Variants in BTBD10 observed in about 807,000 individuals in gnomAD.
BTBD10 encodes the protein BTB domain containing 10, also known as BTB/POZ domain-containing protein 10.
BTBD10 carries 21 observed loss-of-function variants against 53.2 expected under a neutral mutation model. The observed-to-expected ratio is 0.39, with a 90% confidence interval of 0.28 to 0.57. The LOEUF is 0.57. BTBD10 is among the 20% of genes least tolerant of loss of function. BTBD10 has a pLI of 0.53. For synonymous variants in BTBD10, 149 were observed against 192.7 expected (o/e 0.77, Z 1.88); for missense variants, 360 against 594.7 (o/e 0.61, Z 4.10).
At chr11:13,390,334 G>T (rs1251785319) in intron 8 of BTBD10, among the ~76,000 whole-genome samples, 1 of 151,872 alleles carries the variant, frequency 6.6e-6, no homozygotes, top group Non-Finnish European at 1.5e-5. Flanking sequence ...GTAAATGAAT[G>T]AGCACGTGTA....
chr11:13,439,816 C>A, intron 2 of BTBD10: 1 of 1,300,504 alleles, frequency 7.7e-7, no homozygotes, highest in Admixed American at 2.6e-5. Context: ...CCCTCTCAAT[C>A]TTTCTTTCAA....
At position 13,419,718 on chromosome 11, in the gene BTBD10, C is replaced by A. The variant is rs770677253; in HGVS notation, c.326G>T (p.Arg109Leu). The change falls in exon 4 of 9, where the codon CGT becomes CTT. Residue 109 changes from arginine (R) to leucine (L), a missense_variant. Coordinates refer to ENST00000278174, the MANE Select transcript of BTBD10 (RefSeq NM_032320.7). ...TTTTTGAGGACGCGGACTGCTTGGA[C>A]GAGAGGAACTGTGATCTTTTTCTCG... is the stretch of plus-strand genomic sequence containing the variant. Reference protein sequence around the residue: ...VEREKDHSSSRPSSPRPQKAS... With the variant: ...VEREKDHSSSLPSSPRPQKAS... 1.2e-6 allele frequency: 2 copies of A among 1,602,366 alleles called. No individual in the cohort carries two copies. The highest frequency in any genetic ancestry group is 1.7e-6 in the Non-Finnish European group (2 of 1,174,498).
At chr11:13,440,682 A>G (rs542166553) in intron 2 of BTBD10, among the ~76,000 whole-genome samples, 6 of 152,172 alleles carry the variant, frequency 3.9e-5, no homozygotes, top group Non-Finnish European at 7.3e-5. Context: ...AGGAGAAACG[A>G]GCATGCGTAC....
At chr11:13,453,309 A>G (rs1330555956) in intron 1 of BTBD10, among the ~76,000 whole-genome samples, 1 of 152,204 alleles carries the variant, frequency 6.6e-6, no homozygotes, top group Non-Finnish European at 1.5e-5. Flanking sequence ...TTTAAAAATT[A>G]AATACACATA....
Position 13,417,203 on chromosome 11 carries a change from A to G in BTBD10, c.642T>C (p.Tyr214=). The G allele has an allele frequency of 6.2e-7, 1 of 1,613,610 alleles. No individual in the cohort carries two copies. Among genetic ancestry groups the G allele is most frequent in the South Asian group, 1.1e-5 (1 of 91,056 alleles). ...TGGAACCAATTCCCTCTGCCACCTC[A>G]TACTCTCCTTTCTCATTGGGTCGTG... ...NFTRPNEKGE[Y]EVAEGIGSTV... The change falls in exon 5 of 9, where the codon TAT becomes TAC. Residue 214 remains tyrosine, a synonymous_variant. Transcript: ENST00000278174.
intron 8 of BTBD10, among the ~76,000 whole-genome samples, chr11:13,398,018 G>A (rs2135748780): frequency 6.6e-6 from 1 of 152,348 alleles, no homozygotes; most frequent in East Asian, 1.9e-4. Context: ...TGTATATTCT[G>A]TTGATTTGGG....
At chr11:13,458,370 AT>A (rs1951017724) in intron 1 of BTBD10, among the ~76,000 whole-genome samples, 1 of 152,228 alleles carries the variant, frequency 6.6e-6, no homozygotes, top group Non-Finnish European at 1.5e-5. Context: ...CGAAATGGAA[AT>A]TTAAAAAGGA....
chr11:13,398,389 T>G, intron 8 of BTBD10, among the ~76,000 whole-genome samples: 1 of 152,172 alleles, frequency 6.6e-6, no homozygotes, highest in Non-Finnish European at 1.5e-5. Flanking sequence ...GTTTTCCATT[T>G]GCTTGGTAGA....
chr11:13,457,170 T>A (rs1591178055), intron 1 of BTBD10, among the ~76,000 whole-genome samples: 2 of 151,436 alleles, frequency 1.3e-5, no homozygotes, highest in African/African-American at 2.4e-5. Flanking sequence ...TCAAAAAAAA[T>A]TAAATAAATA....
chr11:13,392,463 A>G (rs1949434168), intron 8 of BTBD10, among the ~76,000 whole-genome samples: 1 of 152,192 alleles, frequency 6.6e-6, no homozygotes, highest in Admixed American at 6.6e-5. Flanking sequence ...TGGAGGTAAC[A>G]TTAGAAGACA....
At chr11:13,435,308 T>G (rs1950526854) in intron 2 of BTBD10, among the ~76,000 whole-genome samples, 1 of 152,208 alleles carries the variant, frequency 6.6e-6, no homozygotes, top group Admixed American at 6.5e-5. Context: ...ACTGTGCCAG[T>G]TACTGTTCTT....
chr11:13,413,615 A>G lies in BTBD10; in HGVS notation c.723T>C (p.Asp241=), dbSNP rs2135800508. Residue 241 remains aspartate, a synonymous_variant, in exon 6 of 9, where the codon GAT becomes GAC. Coordinates refer to ENST00000278174, the MANE Select transcript of BTBD10 (RefSeq NM_032320.7). ...YYKTGIIRCP[D]GISIPELREA... ...CTCTCAGTTCAGGAATAGATATGCC[A>G]TCAGGACAACGGATTATTCCTGTTT... 6.2e-7 allele frequency: 1 copy of G among 1,612,072 alleles called. No individual in the cohort carries two copies. Among genetic ancestry groups the G allele is most frequent in the East Asian group, 2.2e-5 (1 of 44,724 alleles).
intron 1 of BTBD10, among the ~76,000 whole-genome samples, chr11:13,446,978 G>A (rs1009336433): frequency 6.6e-6 from 1 of 152,010 alleles, no homozygotes; most frequent in Non-Finnish European, 1.5e-5. Flanking sequence ...GATGCAAAAG[G>A]TATAAAGATA....
chr11:13,389,164 A>C (rs769163052), intron 8 of BTBD10, 23 bp from the exon 9 acceptor site: 1 of 1,591,146 alleles, frequency 6.3e-7, no homozygotes, highest in Admixed American at 1.8e-5. Context: ...AAGATTTTAA[A>C]AACTGAGGAG....
intron 2 of BTBD10, among the ~76,000 whole-genome samples, chr11:13,422,275 C>G (rs886989555): frequency 1.3e-5 from 2 of 152,186 alleles, no homozygotes; most frequent in African/African-American, 2.4e-5. Flanking sequence ...CAAAATAAGT[C>G]TACATGCTAA....
intron 1 of BTBD10, among the ~76,000 whole-genome samples, chr11:13,460,095 G>A (rs527808660): frequency 6.6e-6 from 1 of 152,252 alleles, no homozygotes; most frequent in South Asian, 2.1e-4. Flanking sequence ...TCAGAGAGAG[G>A]CAGAGATTGA....
intron 6 of BTBD10, among the ~76,000 whole-genome samples, 180 bp from the exon 7 acceptor site, chr11:13,406,036 T>C (rs1414961568): frequency 6.6e-6 from 1 of 152,182 alleles, no homozygotes; most frequent in Non-Finnish European, 1.5e-5. Flanking sequence ...ATTAAAACCC[T>C]ATCCCTAGCC....
intron 4 of BTBD10, among the ~76,000 whole-genome samples, chr11:13,418,214 T>C (rs1365102670): frequency 2.0e-5 from 3 of 151,994 alleles, no homozygotes; most frequent in Admixed American, 6.6e-5. Flanking sequence ...TTTTTACAGT[T>C]CCCATGAATA....
At position 13,402,044 on chromosome 11, in the gene BTBD10, A is replaced by C. The variant is rs144734867; in HGVS notation, c.1117+1124T>G. 3.3e-3 allele frequency among the ~76,000 whole-genome samples: 510 copies of C among 152,294 alleles called. 4 individuals carry two copies. Among genetic ancestry groups the C allele is most frequent in the African/African-American group, 0.011 (462 of 41,562 alleles). On this transcript the variant is annotated intron_variant, in intron 8 of 8. Coordinates refer to ENST00000278174, the MANE Select transcript of BTBD10 (RefSeq NM_032320.7). ...GGCCTTCCCTGTCCTCCCAATCTAA[A>C]GTAGCTCCCAGTGCCTTCTCTCTAG...
Sources: allele counts gnomAD v4.1 joint callset (sites outside exome capture counted in the v4.1 genomes callset), GRCh38; gene constraint gnomAD v4.1.1; transcripts MANE v1.5; gene names NCBI Gene and HGNC (gene_info 2026-07-23, HGNC 2026-07-21).